The following CAMTA1 variants were observed in gnomAD, a reference collection of about 807,000 sequenced individuals.
CAMTA1 encodes calmodulin binding transcription activator 1.
Under a neutral mutation model 170.9 loss-of-function variants are expected in CAMTA1, and 27 were observed. The ratio of observed to expected loss-of-function variants is 0.16; its 90% CI spans 0.12 to 0.22. The LOEUF is 0.22. Ranked by LOEUF, CAMTA1 falls within the 10% of genes least tolerant of loss-of-function variation. The pLI is 1.00. For synonymous variants in CAMTA1, 833 were observed against 891.5 expected (o/e 0.93, Z 1.17); for missense variants, 1,619 against 2,217.2 (o/e 0.73, Z 5.42).
At chr1:7,261,527 A>G (rs995928911) in intron 5 of CAMTA1, among the ~76,000 whole-genome samples, 1 of 152,216 alleles carries the variant, frequency 6.6e-6, no homozygotes, top group African/African-American at 2.4e-5. Context: ...TGTTACCCTG[A>G]ACCAATTCAT....
At chr1:6,977,360 T>A (rs1449125127) in intron 3 of CAMTA1, among the ~76,000 whole-genome samples, 1 of 148,250 alleles carries the variant, frequency 6.7e-6, no homozygotes, top group African/African-American at 2.5e-5. Flanking sequence ...TGAGAAGGAG[T>A]CTTGCTCTGT....
intron 4 of CAMTA1, among the ~76,000 whole-genome samples, chr1:7,169,026 C>G (rs567116790): frequency 1.3e-5 from 2 of 152,286 alleles, no homozygotes; most frequent in East Asian, 3.9e-4. Flanking sequence ...TTATTGAATG[C>G]TTTTAATGTC....
intron 3 of CAMTA1, among the ~76,000 whole-genome samples, chr1:6,870,140 G>GT (rs1319812830): frequency 6.6e-6 from 1 of 152,094 alleles, no homozygotes; most frequent in Non-Finnish European, 1.5e-5. Flanking sequence ...CTCGCTTCTT[G>GT]TTTTTTGTTA....
At chr1:7,103,269 C>G (rs1248745749) in intron 4 of CAMTA1, among the ~76,000 whole-genome samples, 1 of 151,996 alleles carries the variant, frequency 6.6e-6, no homozygotes, top group Non-Finnish European at 1.5e-5. Flanking sequence ...TGCTCACATG[C>G]CAATGTAGAT....
chr1:7,579,552 C>CTTTTTTTTTTTTTTTTTT (rs3034816), intron 6 of CAMTA1, among the ~76,000 whole-genome samples: 33 of 79,198 alleles, frequency 4.2e-4, no homozygotes, highest in South Asian at 5.0e-4. Flanking sequence ...CTTTTCTTTT[C>CTTTTTTTTTTTTTTTTTT]TTTTTTTTTT....
At chr1:7,760,868 A>G (rs923296485) in intron 22 of CAMTA1, among the ~76,000 whole-genome samples, 2 of 152,224 alleles carry the variant, frequency 1.3e-5, no homozygotes, top group Non-Finnish European at 2.9e-5. Context: ...CCACTGACTC[A>G]TGAGACATTT....
At chr1:7,726,016 G>A (rs1044486098) in intron 11 of CAMTA1, among the ~76,000 whole-genome samples, 4 of 152,228 alleles carry the variant, frequency 2.6e-5, no homozygotes, top group African/African-American at 9.6e-5. Flanking sequence ...GTCACGCACG[G>A]AGAGTCTGCC....
In CAMTA1 at chr1:7,562,828, A is replaced by G. The variant is rs1323354984; in HGVS notation, c.511-77572A>G. 6.6e-6 allele frequency among the ~76,000 whole-genome samples: 1 copy of G among 152,112 alleles called. No individual in the cohort carries two copies. The highest frequency in any genetic ancestry group is 6.5e-5 in the Admixed American group (1 of 15,268). ...CCCCAAGCAAGGCGGACGGGATGAC[A>G]GGCCCTCTAACCCCACCGCCCACTC... On this transcript the variant is annotated intron_variant, in intron 6 of 22. Transcript: ENST00000303635. This position sits in a 1 kb window ranked among gnomAD's most constrained non-coding sequence, Gnocchi z 4.8.
At chr1:6,988,243 T>C (rs945948442) in intron 3 of CAMTA1, among the ~76,000 whole-genome samples, 1 of 152,074 alleles carries the variant, frequency 6.6e-6, no homozygotes, top group African/African-American at 2.4e-5. Flanking sequence ...AGAAGGGCCG[T>C]GACGCTCCGA....
chr1:7,320,664 T>G (rs1352306879), intron 5 of CAMTA1, among the ~76,000 whole-genome samples: 1 of 150,094 alleles, frequency 6.7e-6, no homozygotes, highest in Non-Finnish European at 1.5e-5. Flanking sequence ...TTTTTTTTTT[T>G]TTTTTTTTTT....
chr1:7,711,007 C>T (rs1183208327), intron 11 of CAMTA1, among the ~76,000 whole-genome samples: 1 of 152,172 alleles, frequency 6.6e-6, no homozygotes, highest in Non-Finnish European at 1.5e-5. Context: ...TCTGCGCCAC[C>T]TAAACCGGGT....
chr1:6,888,121 C>CTT, intron 3 of CAMTA1: 3 of 981,576 alleles, frequency 3.1e-6, no homozygotes, highest in Non-Finnish European at 3.7e-6. Flanking sequence ...AGAGCAGGGC[C>CTT]TTTGTCTTGT....
chr1:7,098,718 G>A (rs1032513968), intron 4 of CAMTA1, among the ~76,000 whole-genome samples: 3 of 152,196 alleles, frequency 2.0e-5, no homozygotes, highest in East Asian at 1.9e-4. Flanking sequence ...CATCCCCTCC[G>A]TGTCTAGGAA....
chr1:6,846,477 A>G (rs1341586924), intron 3 of CAMTA1, among the ~76,000 whole-genome samples: 2 of 152,246 alleles, frequency 1.3e-5, no homozygotes, highest in African/African-American at 4.8e-5. Flanking sequence ...TAGTTGTACC[A>G]TAGTAAGGAA....
intron 3 of CAMTA1, among the ~76,000 whole-genome samples, chr1:7,047,926 C>A (rs1705671006): frequency 1.3e-5 from 2 of 152,040 alleles, no homozygotes; most frequent in African/African-American, 4.8e-5. Context: ...GCTTCTATCA[C>A]CAGGTGACTT....
chr1:6,886,138 T>C, intron 3 of CAMTA1: 2 of 446,566 alleles, frequency 4.5e-6, no homozygotes, highest in Non-Finnish European at 9.0e-6. Flanking sequence ...GGTGGATGGA[T>C]GGGGGAAGTG....
chr1:6,852,674 A>G (rs766102530), intron 3 of CAMTA1, among the ~76,000 whole-genome samples: 13 of 152,356 alleles, frequency 8.5e-5, no homozygotes, highest in Admixed American at 7.2e-4. Context: ...CACCCTCTCC[A>G]GGTGAGTCAC....
chr1:7,584,155 A>G (rs2095287379), intron 6 of CAMTA1, among the ~76,000 whole-genome samples: 1 of 152,108 alleles, frequency 6.6e-6, no homozygotes, highest in Admixed American at 6.5e-5. Flanking sequence ...CTTGTTAAAG[A>G]TGATAAGGCA....
chr1:6,802,245 C>T (rs1438305093), intron 1 of CAMTA1, among the ~76,000 whole-genome samples: 3 of 152,160 alleles, frequency 2.0e-5, no homozygotes, highest in Non-Finnish European at 4.4e-5. Flanking sequence ...ATGTAGTGGC[C>T]TTAGTCATGG....
Sources: allele counts gnomAD v4.1 joint callset (sites outside exome capture counted in the v4.1 genomes callset), GRCh38; gene constraint gnomAD v4.1.1; non-coding constraint Gnocchi (gnomAD v3.1); transcripts MANE v1.5; gene names NCBI Gene and HGNC (gene_info 2026-07-23, HGNC 2026-07-21).